Variants in TENM2 observed in about 807,000 individuals in gnomAD.
The protein encoded by TENM2 is teneurin transmembrane protein 2, also known as teneurin-2.
A neutral mutation model predicts 245.2 loss-of-function variants in TENM2; 52 were observed. The ratio of observed to expected loss-of-function variants is 0.21; its 90% CI spans 0.17 to 0.27. The LOEUF (loss-of-function observed/expected upper bound fraction) is 0.27. TENM2 is among the 10% of genes least tolerant of loss of function. The pLI, the probability that TENM2 is intolerant of heterozygous loss-of-function variation, is 1.00. For missense variants in TENM2, 3,046 were observed against 3,666.8 expected (o/e 0.83, Z 4.37); for synonymous variants, 1,363 against 1,438.9 (o/e 0.95, Z 1.19).
chr5:167,724,094 G>A (rs938420118), intron 2 of TENM2, among the ~76,000 whole-genome samples: 3 of 152,118 alleles, frequency 2.0e-5, no homozygotes, highest in African/African-American at 4.8e-5. Flanking sequence ...ACCAGAGATT[G>A]TTTCTTTTGC....
At chr5:168,226,972 G>A (rs1450800087) in intron 24 of TENM2, among the ~76,000 whole-genome samples, 2 of 152,164 alleles carry the variant, frequency 1.3e-5, no homozygotes, top group African/African-American at 2.4e-5. Flanking sequence ...TCCCACAGCG[G>A]AGCCTGTTTC....
chr5:167,068,310 T>C, the TENM2 span, among the ~76,000 whole-genome samples: 1 of 152,166 alleles, frequency 6.6e-6, no homozygotes, highest in Non-Finnish European at 1.5e-5. Context: ...ACTTCATAAA[T>C]ACACAGGACA....
intron 4 of TENM2, among the ~76,000 whole-genome samples, chr5:167,983,592 C>T (rs77880501): frequency 5.0e-4 from 76 of 152,238 alleles, no homozygotes; most frequent in African/African-American, 1.6e-3. Context: ...CTGAATCAAA[C>T]GGGCTTGAGT....
intron 2 of TENM2, among the ~76,000 whole-genome samples, chr5:167,438,939 G>A (rs759196533): frequency 1.3e-5 from 2 of 151,934 alleles, no homozygotes; most frequent in East Asian, 1.9e-4. Flanking sequence ...GATGACAGGC[G>A]CCCACCACCA....
intron 25 of TENM2, among the ~76,000 whole-genome samples, chr5:168,231,766 ACAACAACAAC>A (rs1380729871): frequency 2.7e-5 from 4 of 150,118 alleles, no homozygotes; most frequent in African/African-American, 1.0e-4. Flanking sequence ...ACAACAACAA[ACAACAACAAC>A]AACCAAAAAA....
intron 2 of TENM2, among the ~76,000 whole-genome samples, chr5:167,494,852 AAAACCT>A (rs1413083980): frequency 6.6e-6 from 1 of 152,136 alleles, no homozygotes; most frequent in African/African-American, 2.4e-5. Context: ...TAGGATAAGA[AAAACCT>A]AATATATTCA....
Position 168,025,730 on chromosome 5 carries a change from C to T in TENM2, c.1187-21697C>T, listed in dbSNP as rs541730705. 7.2e-5 allele frequency among the ~76,000 whole-genome samples: 11 copies of T among 152,102 alleles called. No individual in the cohort carries two copies. The South Asian group carries it at 2.1e-3, about 29-fold the overall frequency. On this transcript the variant is annotated intron_variant, in intron 5 of 28. Coordinates refer to ENST00000518659, the Ensembl canonical transcript of TENM2. ...TGTCCTGTGGGGTTGCCAGAAATGC[C>T]GCCATTGAAGATGTGTTGGTATAAG...
intron 2 of TENM2, among the ~76,000 whole-genome samples, chr5:167,665,467 TG>T (rs1459670872): frequency 6.6e-6 from 1 of 152,124 alleles, no homozygotes; most frequent in Non-Finnish European, 1.5e-5. Flanking sequence ...TATTATACTG[TG>T]AAAGAATTTT....
intron 2 of TENM2, among the ~76,000 whole-genome samples, chr5:167,626,983 G>A (rs1442940321): frequency 1.3e-5 from 2 of 152,162 alleles, no homozygotes; most frequent in African/African-American, 4.8e-5. Context: ...CTTTTACCCA[G>A]AGGCTTTCCA....
At chr5:167,602,861 A>G (rs1004051733) in intron 2 of TENM2, among the ~76,000 whole-genome samples, 4 of 152,196 alleles carry the variant, frequency 2.6e-5, no homozygotes, top group African/African-American at 9.7e-5. Context: ...AAATAAATAC[A>G]GAGTAGTATG....
chr5:167,683,365 T>C (rs774813295), intron 2 of TENM2, among the ~76,000 whole-genome samples: 4 of 152,156 alleles, frequency 2.6e-5, no homozygotes, highest in Admixed American at 6.6e-5. Context: ...ATGGCTCCTA[T>C]GATGTCATCC....
chr5:168,205,556 G>A (rs1332315546), intron 19 of TENM2, among the ~76,000 whole-genome samples: 2 of 152,188 alleles, frequency 1.3e-5, no homozygotes, highest in Non-Finnish European at 2.9e-5. Flanking sequence ...ACTAGGTCAC[G>A]TTTGGCTAGG....
At chr5:167,515,338 AAAT>A (rs1340896839) in intron 2 of TENM2, among the ~76,000 whole-genome samples, 5 of 152,224 alleles carry the variant, frequency 3.3e-5, no homozygotes, top group East Asian at 1.9e-4. Flanking sequence ...TTTGCAAGGC[AAAT>A]AATAAGAAAA....
chr5:167,092,096 T>C, the TENM2 span, among the ~76,000 whole-genome samples: 5 of 152,178 alleles, frequency 3.3e-5, no homozygotes, highest in African/African-American at 1.2e-4. Context: ...CTACAGCCTG[T>C]AGGCCAGATT....
intron 1 of TENM2, among the ~76,000 whole-genome samples, chr5:167,369,730 TAACA>T (rs1474706698): frequency 6.6e-6 from 1 of 152,346 alleles, no homozygotes; most frequent in East Asian, 1.9e-4. Context: ...GGTGCTTGCA[TAACA>T]AACATTTAGA....
At chr5:167,111,640 C>T in the TENM2 span, among the ~76,000 whole-genome samples, 1 of 152,190 alleles carries the variant, frequency 6.6e-6, no homozygotes, top group Non-Finnish European at 1.5e-5. Context: ...ACAGTTCACA[C>T]TCCAAACAAC....
At chr5:167,984,548 T>C (rs1783087256) in intron 4 of TENM2, among the ~76,000 whole-genome samples, 1 of 152,026 alleles carries the variant, frequency 6.6e-6, no homozygotes, top group Non-Finnish European at 1.5e-5. Flanking sequence ...CCCAGCTACT[T>C]GGGAGGCTGA....
chr5:167,507,501 TGAA>T lies in TENM2; in HGVS notation c.502+132030_502+132032del, dbSNP rs542883191. On this transcript the variant is annotated intron_variant, in intron 2 of 28. Transcript: ENST00000518659. ...CTTCTAAAAAAATTAGGACACAGATTGAAGCAGTACTTTCAGAAATATCTGTCA... is the reference window on the plus strand; with the variant it reads ...CTTCTAAAAAAATTAGGACACAGATTGCAGTACTTTCAGAAATATCTGTCA... Among the ~76,000 whole-genome samples, 64 of 152,296 alleles carry T rather than the reference TGAA, an allele frequency of 4.2e-4. 4 individuals carry two copies. In the South Asian group the frequency reaches 0.013, roughly 32 times the overall value.
At chr5:167,988,939 T>C (rs922975110) in intron 4 of TENM2, among the ~76,000 whole-genome samples, 3 of 152,314 alleles carry the variant, frequency 2.0e-5, no homozygotes, top group Non-Finnish European at 4.4e-5. Context: ...TATAAATGAG[T>C]GTATTAAAAA....
Sources: gnomAD v4.1 joint callset for allele counts (sites outside exome capture counted in the v4.1 genomes callset) on GRCh38, gnomAD v4.1.1 for gene constraint, MANE v1.5 for transcripts, NCBI Gene and HGNC (gene_info 2026-07-23, HGNC 2026-07-21) for gene names.